Variants in KCNH5 observed in about 807,000 individuals in gnomAD.
KCNH5 encodes the protein potassium voltage-gated channel subfamily H member 5, also known as voltage-gated delayed rectifier potassium channel KCNH5.
A neutral mutation model predicts 96.1 loss-of-function variants in KCNH5; 46 were observed. That is an observed-to-expected ratio of 0.48 (90% CI 0.38 to 0.61). The LOEUF (loss-of-function observed/expected upper bound fraction) is 0.61. Among genes scored for constraint, KCNH5 ranks in the 20% least tolerant of loss-of-function variants. The pLI, the probability that KCNH5 is intolerant of heterozygous loss-of-function variation, is 0.00. For missense variants in KCNH5, 907 were observed against 1,225.8 expected (o/e 0.74, Z 3.88); for synonymous variants, 439 against 449.8 (o/e 0.98, Z 0.30).
chr14:62,915,717 G>T (rs1406048151), intron 7 of KCNH5, among the ~76,000 whole-genome samples: 1 of 152,122 alleles, frequency 6.6e-6, no homozygotes, highest in Non-Finnish European at 1.5e-5. Flanking sequence ...GTAACAATCA[G>T]TGCTTAAAAA....
At chr14:62,851,423 T>A (rs1190754644) in intron 7 of KCNH5, among the ~76,000 whole-genome samples, 1 of 151,620 alleles carries the variant, frequency 6.6e-6, no homozygotes, top group Non-Finnish European at 1.5e-5. Context: ...GTTACTAGGA[T>A]TCTGGTTATA....
At chr14:62,793,847 G>A (rs1282778355) in intron 9 of KCNH5, among the ~76,000 whole-genome samples, 1 of 151,814 alleles carries the variant, frequency 6.6e-6, no homozygotes, top group African/African-American at 2.4e-5. Flanking sequence ...TGAAGTAAGT[G>A]TATACAGATC....
Position 62,814,782 on chromosome 14 carries a change from C to CAAAAAAAAAAAAAAAAAAA in KCNH5, c.1570-12220_1570-12202dup, listed in dbSNP as rs71120235. ...TGGGCGACAAAGCGAGACTCCATCT[C>CAAAAAAAAAAAAAAAAAAA]AAAAAAAAAAAAAAAAAAAAAAAAA... On this transcript the variant is annotated intron_variant, in intron 8 of 10. Transcript: ENST00000322893. Among the ~76,000 whole-genome samples, 12 of 33,758 alleles carry CAAAAAAAAAAAAAAAAAAA rather than the reference C, an allele frequency of 3.6e-4. 3 individuals are homozygous for CAAAAAAAAAAAAAAAAAAA. Among genetic ancestry groups the CAAAAAAAAAAAAAAAAAAA allele is most frequent in the African/African-American group, 6.1e-4 (4 of 6,576 alleles). 22.1% of individuals were successfully genotyped at this position (33,758 alleles called of 152,430 possible). A position where few individuals can be genotyped will look rare whatever the true frequency, so the allele number is the denominator to read the frequency against.
intron 7 of KCNH5, among the ~76,000 whole-genome samples, chr14:62,910,229 TAGA>T (rs905441406): frequency 6.6e-6 from 1 of 151,660 alleles, no homozygotes; most frequent in African/African-American, 2.4e-5. Flanking sequence ...AAATTATAAA[TAGA>T]AGAAATATTG....
rs140824885 is a variant in KCNH5 at position 62,816,939 on chromosome 14, C to T, written c.1570-14358G>A. 3.6e-3 allele frequency among the ~76,000 whole-genome samples: 536 copies of T among 150,942 alleles called. 4 individuals carry two copies. The highest frequency in any genetic ancestry group is 5.3e-3 in the Non-Finnish European group (356 of 67,672). On this transcript the variant is annotated intron_variant, in intron 8 of 10. Coordinates refer to ENST00000322893, the MANE Select transcript of KCNH5 (RefSeq NM_139318.5). ...AAATATGCAGTTGAATTCTCTATTG[C>T]ATTTTTCACTGTGTTCATTGTATTC...
intron 8 of KCNH5, among the ~76,000 whole-genome samples, chr14:62,806,418 A>G (rs901197031): frequency 6.6e-6 from 1 of 152,090 alleles, no homozygotes; most frequent in Non-Finnish European, 1.5e-5. Context: ...TTCCTGTAAC[A>G]TATTTCTGGC....
In KCNH5 at chr14:62,705,787, T is replaced by C. The variant is rs1884418270; in HGVS notation, c.*1721A>G. On this transcript the variant is annotated 3_prime_UTR_variant, in exon 11 of 11. Coordinates refer to ENST00000322893, the MANE Select transcript of KCNH5 (RefSeq NM_139318.5). ...CAGTTCTAGTGGCTTTGGTTGGGAA[T>C]ACTGGGAGATAGAAAAGCTCATACA... is the stretch of plus-strand genomic sequence containing the variant. 2 of 152,062 alleles carry C rather than the reference T, an allele frequency of 1.3e-5. No individual in the cohort carries two copies. Among genetic ancestry groups the C allele is most frequent in the Non-Finnish European group, 2.9e-5 (2 of 67,910 alleles). The allele number at this position is 152,062 out of a possible 1,614,324, so 9.4% of individuals were successfully genotyped here.
In KCNH5 at chr14:62,959,868, C is replaced by T. The variant is rs111983582; in HGVS notation, c.943-9309G>A. ...TAACAGCATCTCTCTCCTCTATCTACGGGAGTTTCCTAACTGTCAAGGCAT... is the reference window on the plus strand; with the variant it reads ...TAACAGCATCTCTCTCCTCTATCTATGGGAGTTTCCTAACTGTCAAGGCAT... On this transcript the variant is annotated intron_variant, in intron 6 of 10. Coordinates refer to ENST00000322893, the MANE Select transcript of KCNH5 (RefSeq NM_139318.5). Among the ~76,000 whole-genome samples the T allele has an allele frequency of 5.5e-3, 830 of 152,248 alleles. 5 individuals are homozygous for T. Among genetic ancestry groups the T allele is most frequent in the African/African-American group, 0.019 (789 of 41,568 alleles).
chr14:62,782,268 C>A (rs544128817), intron 9 of KCNH5, among the ~76,000 whole-genome samples: 7 of 152,104 alleles, frequency 4.6e-5, no homozygotes, highest in Admixed American at 1.3e-4. Context: ...CTGAGAGAAA[C>A]ATAGGGCTTG....
intron 10 of KCNH5, among the ~76,000 whole-genome samples, chr14:62,760,397 G>A (rs564647570): frequency 6.6e-6 from 1 of 152,238 alleles, no homozygotes; most frequent in South Asian, 2.1e-4. Context: ...TCCTGATCAG[G>A]GTCCAGTTCT....
chr14:62,796,664 A>G (rs1886548432), intron 9 of KCNH5, among the ~76,000 whole-genome samples: 1 of 152,202 alleles, frequency 6.6e-6, no homozygotes, highest in African/African-American at 2.4e-5. Flanking sequence ...GTTAATTTAG[A>G]AAGTTTATTT....
intron 7 of KCNH5, among the ~76,000 whole-genome samples, chr14:62,859,243 G>A (rs530461987): frequency 8.5e-5 from 13 of 152,270 alleles, no homozygotes; most frequent in South Asian, 2.1e-4. Context: ...TCGAGGGCTC[G>A]GTGTTGGTCT....
Position 62,707,764 on chromosome 14 carries a change from T to C in KCNH5, c.2711A>G (p.Gln904Arg), listed in dbSNP as rs1218744451. ...AKHPFYPIPEQALQTTLQEVK... is the reference protein window; with the variant it reads ...AKHPFYPIPERALQTTLQEVK... ...TTCCTGCAGTGTGGTCTGTAAGGCC[T>C]GCTCGGGGATGGGATAAAAGGGGTG... is the stretch of plus-strand genomic sequence containing the variant. The change falls in exon 11 of 11, where the codon CAG becomes CGG. Residue 904 changes from glutamine (Q) to arginine (R), a missense_variant. Physicochemically the swap from Gln to Arg is conservative, Grantham distance 43. Around this residue, in one of 6 missense-constraint regions of KCNH5, gnomAD observed 362 missense variants for 394.4 expected, o/e 0.92. Coordinates refer to ENST00000322893, the MANE Select transcript of KCNH5 (RefSeq NM_139318.5). The C allele has an allele frequency of 6.2e-7, 1 of 1,614,160 alleles. No individual in the cohort carries two copies. The highest frequency in any genetic ancestry group is 8.5e-7 in the Non-Finnish European group (1 of 1,180,030).
chr14:62,779,946 A>G, intron 9 of KCNH5, 22 bp from the exon 10 acceptor site: 1 of 1,568,658 alleles, frequency 6.4e-7, no homozygotes, highest in East Asian at 2.3e-5. Context: ...TATAAGATAC[A>G]TATTCAAGTA....
intron 10 of KCNH5, among the ~76,000 whole-genome samples, chr14:62,724,306 GT>G (rs1250786735): frequency 6.6e-6 from 1 of 152,148 alleles, no homozygotes; most frequent in African/African-American, 2.4e-5. Flanking sequence ...AACTAGCTAT[GT>G]GATCACTATT....
At chr14:62,979,537 T>C (rs919086813) in intron 6 of KCNH5, among the ~76,000 whole-genome samples, 1 of 151,988 alleles carries the variant, frequency 6.6e-6, no homozygotes, top group Non-Finnish European at 1.5e-5. Context: ...AGAAATAATA[T>C]ATTACAATGT....
At chr14:62,898,512 G>T (rs892521966) in intron 7 of KCNH5, among the ~76,000 whole-genome samples, 1 of 152,116 alleles carries the variant, frequency 6.6e-6, no homozygotes, top group Non-Finnish European at 1.5e-5. Flanking sequence ...GAATTTAAAT[G>T]TATTGGCAAT....
intron 6 of KCNH5, among the ~76,000 whole-genome samples, chr14:62,979,195 T>C (rs1320936352): frequency 1.3e-5 from 2 of 152,284 alleles, no homozygotes; most frequent in African/African-American, 2.4e-5. Context: ...TAATAATCTG[T>C]GTAGTGTGCA....
intron 3 of KCNH5, among the ~76,000 whole-genome samples, chr14:63,005,201 G>C (rs1400433465): frequency 6.6e-6 from 1 of 152,080 alleles, no homozygotes; most frequent in Admixed American, 6.6e-5. Flanking sequence ...AATTCTCTTT[G>C]GGCTTGATGT....
Sources: allele counts gnomAD v4.1 joint callset (sites outside exome capture counted in the v4.1 genomes callset), GRCh38; gene constraint gnomAD v4.1.1; regional missense constraint gnomAD v4.1.1; transcripts MANE v1.5; gene names NCBI Gene and HGNC (gene_info 2026-07-23, HGNC 2026-07-21).